PACRG: variants seen among roughly 807,000 people sequenced by gnomAD.
PACRG encodes the protein parkin coregulated, also known as parkin coregulated gene protein.
In PACRG, 29 loss-of-function variants were observed where a neutral mutation model predicts 29.7. That is an observed-to-expected ratio of 0.98 (90% CI 0.73 to 1.33). The LOEUF (loss-of-function observed/expected upper bound fraction) is 1.33. Ranked by LOEUF, PACRG falls within the 40% of genes most tolerant of loss-of-function variation. The probability of loss-of-function intolerance (pLI) is 0.00; values close to 1 mark genes in which losing one functional copy is unlikely to be tolerated. For synonymous variants in PACRG, 116 were observed against 118.7 expected, an observed-to-expected ratio of 0.98 and a Z score of 0.15; for missense variants, 279 against 316.2, an observed-to-expected ratio of 0.88 and a Z score of 0.89.
At chr6:163,134,821 C>T (rs1048024143) in intron 4 of PACRG, among the ~76,000 whole-genome samples, 1 of 152,156 alleles carries the variant, frequency 6.6e-6, no homozygotes, top group African/African-American at 2.4e-5. Flanking sequence ...CTATGAATCC[C>T]TGTGTACCTA....
At chr6:162,741,516 T>C (rs1780596487) in intron 1 of PACRG, among the ~76,000 whole-genome samples, 1 of 152,116 alleles carries the variant, frequency 6.6e-6, no homozygotes, top group African/African-American at 2.4e-5. Flanking sequence ...AGCATCTCTC[T>C]CTCTCTCTCT....
At chr6:163,034,057 T>C (rs1203008807) in intron 2 of PACRG, among the ~76,000 whole-genome samples, 1 of 152,190 alleles carries the variant, frequency 6.6e-6, no homozygotes, top group African/African-American at 2.4e-5. Flanking sequence ...TACCATTCAT[T>C]CAACCAGTTT....
intron 2 of PACRG, among the ~76,000 whole-genome samples, chr6:162,961,710 C>T (rs1326744089): frequency 6.6e-6 from 1 of 152,156 alleles, no homozygotes; most frequent in East Asian, 1.9e-4. Flanking sequence ...TCCACCTTCT[C>T]CTCCACCATC....
At chr6:162,753,963 CTT>C (rs1281531354) in intron 1 of PACRG, among the ~76,000 whole-genome samples, 2 of 152,128 alleles carry the variant, frequency 1.3e-5, no homozygotes, top group Non-Finnish European at 2.9e-5. Context: ...GCAGATATCT[CTT>C]TGACATATTG....
chr6:163,059,640 T>C (rs1480108240), intron 2 of PACRG, among the ~76,000 whole-genome samples: 2 of 152,204 alleles, frequency 1.3e-5, no homozygotes, highest in Non-Finnish European at 2.9e-5. Context: ...GCCAGACTGC[T>C]TGGGCTTGAA....
At chr6:162,928,925 A>C (rs1584780384) in intron 2 of PACRG, among the ~76,000 whole-genome samples, 1 of 152,042 alleles carries the variant, frequency 6.6e-6, no homozygotes, top group Non-Finnish European at 1.5e-5. Context: ...AGTTCCATCC[A>C]TGTTGCTGCA....
At chr6:162,848,472 G>A (rs1230956122) in intron 2 of PACRG, among the ~76,000 whole-genome samples, 6 of 152,252 alleles carry the variant, frequency 3.9e-5, no homozygotes, top group East Asian at 1.9e-4. Flanking sequence ...AGATGAAATC[G>A]GATCCAGAAA....
chr6:162,814,324 A>T, intron 2 of PACRG, 43 bp downstream of exon 2: 1 of 1,606,924 alleles, frequency 6.2e-7, no homozygotes, highest in Non-Finnish European at 8.5e-7. Context: ...CACCCGCTGA[A>T]GTGACATCTC....
At chr6:162,931,640 A>G (rs1291764628) in intron 2 of PACRG, among the ~76,000 whole-genome samples, 1 of 151,990 alleles carries the variant, frequency 6.6e-6, no homozygotes, top group Non-Finnish European at 1.5e-5. Flanking sequence ...GATATACAGA[A>G]AGCAAATAAA....
At chr6:162,900,350 C>G (rs1227827114) in intron 2 of PACRG, among the ~76,000 whole-genome samples, 1 of 152,144 alleles carries the variant, frequency 6.6e-6, no homozygotes, top group Non-Finnish European at 1.5e-5. Flanking sequence ...CCATTCTACC[C>G]TCACTTCTTC....
At chr6:162,966,584 C>T (rs1462563574) in intron 2 of PACRG, among the ~76,000 whole-genome samples, 4 of 150,378 alleles carry the variant, frequency 2.7e-5, no homozygotes, top group Admixed American at 1.3e-4. Flanking sequence ...TCATGCCATT[C>T]TCCTGCCTCA....
intron 2 of PACRG, among the ~76,000 whole-genome samples, chr6:162,855,115 T>C (rs559068610): frequency 2.0e-5 from 3 of 152,352 alleles, no homozygotes; most frequent in African/African-American, 7.2e-5. Context: ...TGCTGTTAAC[T>C]AGCTGTGTGA....
At chr6:162,762,655 C>A (rs35626571) in intron 1 of PACRG, among the ~76,000 whole-genome samples, 12,701 of 152,136 alleles carry the variant, frequency 0.083, 695 homozygotes, top group South Asian at 0.22. Context: ...GTTGACTTTG[C>A]GTTCTTTCAT....
At chr6:162,852,674 G>A (rs1191412520) in intron 2 of PACRG, among the ~76,000 whole-genome samples, 1 of 152,130 alleles carries the variant, frequency 6.6e-6, no homozygotes, top group East Asian at 1.9e-4. Context: ...GATAAAATGA[G>A]GCCCAGCATT....
chr6:163,280,269 A>G (rs1784184970), intron 4 of PACRG, among the ~76,000 whole-genome samples: 1 of 152,088 alleles, frequency 6.6e-6, no homozygotes, highest in Non-Finnish European at 1.5e-5. Context: ...CCTCCTCTGA[A>G]CGTCCTGCTC....
chr6:162,730,364 G>C (rs1489209984), intron 1 of PACRG, among the ~76,000 whole-genome samples: 1 of 152,050 alleles, frequency 6.6e-6, no homozygotes. Context: ...TTTTGATTCA[G>C]GACGTGTATG....
intron 2 of PACRG, among the ~76,000 whole-genome samples, chr6:162,990,501 T>C (rs1311232794): frequency 1.4e-5 from 2 of 141,294 alleles, no homozygotes; most frequent in Non-Finnish European, 3.0e-5. Context: ...ATGATGAGCA[T>C]TTTTTCATGT....
chr6:162,979,920 A>C (rs1183836840), intron 2 of PACRG, among the ~76,000 whole-genome samples: 1 of 152,126 alleles, frequency 6.6e-6, no homozygotes, highest in East Asian at 1.9e-4. Flanking sequence ...TTTAGGGCCT[A>C]AAGTTGGTAA....
At chr6:163,130,785 T>C (rs1056801936) in intron 4 of PACRG, among the ~76,000 whole-genome samples, 1 of 152,140 alleles carries the variant, frequency 6.6e-6, no homozygotes, top group Non-Finnish European at 1.5e-5. Flanking sequence ...GTCCTTTGCC[T>C]GGGGTTGTGT....
Sources: allele counts gnomAD v4.1 joint callset (sites outside exome capture counted in the v4.1 genomes callset), GRCh38; gene constraint gnomAD v4.1.1; transcripts MANE v1.5; gene names NCBI Gene and HGNC (gene_info 2026-07-23, HGNC 2026-07-21).